LIMCH1: variants seen among roughly 807,000 people sequenced by gnomAD.
LIMCH1 encodes LIM and calponin homology domains 1, also known as LIM and calponin homology domains-containing protein 1.
Under a neutral mutation model 176.5 loss-of-function variants are expected in LIMCH1, and 113 were observed. The observed-to-expected ratio is 0.64, with a 90% CI of 0.55 to 0.75. The LOEUF is 0.75. Ranked by LOEUF, LIMCH1 falls within the 30% of genes least tolerant of loss-of-function variation. The pLI is 0.00. For synonymous variants in LIMCH1, 619 were observed against 645.9 expected (o/e 0.96, Z 0.63); for missense variants, 1,674 against 1,814.9 (o/e 0.92, Z 1.41).
At chr4:41,687,682 T>C (rs2153070398) in intron 28 of LIMCH1, among the ~76,000 whole-genome samples, 158 bp from the exon 29 acceptor site, 1 of 151,584 alleles carries the variant, frequency 6.6e-6, no homozygotes, top group South Asian at 2.1e-4. Flanking sequence ...TTTTTGTTCA[T>C]TAAAAAAAAA....
chr4:41,431,673 A>G (rs1202358077), intron 1 of LIMCH1, among the ~76,000 whole-genome samples: 1 of 152,170 alleles, frequency 6.6e-6, no homozygotes, highest in Admixed American at 6.5e-5. Context: ...ATCTTATTTT[A>G]TTATGATATG....
chr4:41,643,532 A>C (rs920324956), intron 14 of LIMCH1, among the ~76,000 whole-genome samples: 1 of 152,224 alleles, frequency 6.6e-6, no homozygotes, highest in Admixed American at 6.5e-5. Flanking sequence ...TTGCTGCTTC[A>C]GCTTTTGCTG....
chr4:41,531,946 A>G (rs552534997), intron 3 of LIMCH1, among the ~76,000 whole-genome samples: 3 of 152,288 alleles, frequency 2.0e-5, no homozygotes, highest in East Asian at 3.9e-4. Flanking sequence ...AGGGAAATGA[A>G]TAGACATTGT....
chr4:41,514,899 A>G (rs2075383872), intron 2 of LIMCH1, among the ~76,000 whole-genome samples: 1 of 152,220 alleles, frequency 6.6e-6, no homozygotes, highest in Non-Finnish European at 1.5e-5. Flanking sequence ...ATTTCCCTAT[A>G]GAAGCAGTTC....
intron 1 of LIMCH1, among the ~76,000 whole-genome samples, chr4:41,426,850 A>G (rs998779659): frequency 2.6e-5 from 4 of 152,208 alleles, no homozygotes; most frequent in Non-Finnish European, 5.9e-5. Flanking sequence ...ACCTAAAATA[A>G]CCATTACAAG....
At chr4:41,394,519 T>C (rs1451912513) in intron 1 of LIMCH1, among the ~76,000 whole-genome samples, 3 of 152,180 alleles carry the variant, frequency 2.0e-5, no homozygotes, top group Non-Finnish European at 4.4e-5. Flanking sequence ...ACTCTGGGGC[T>C]TGGTATTTAA....
intron 1 of LIMCH1, among the ~76,000 whole-genome samples, chr4:41,417,335 C>T (rs544590523): frequency 6.6e-6 from 1 of 152,248 alleles, no homozygotes; most frequent in African/African-American, 2.4e-5. Context: ...CCTTTGAAAT[C>T]CAGATCCAGA....
At chr4:41,547,701 T>C (rs1583862039) in intron 1 of LIMCH1, among the ~76,000 whole-genome samples, 1 of 145,802 alleles carries the variant, frequency 6.9e-6, no homozygotes, top group Non-Finnish European at 1.5e-5. Context: ...TATATACATA[T>C]ATAATAGTAT....
chr4:41,641,363 T>G (rs562937115), intron 14 of LIMCH1, among the ~76,000 whole-genome samples: 77 of 152,310 alleles, frequency 5.1e-4, no homozygotes, highest in African/African-American at 1.7e-3. Context: ...CTTTCTAGTA[T>G]TATCAATTCT....
At chr4:41,484,900 A>G (rs1283339251) in intron 1 of LIMCH1, among the ~76,000 whole-genome samples, 2 of 152,238 alleles carry the variant, frequency 1.3e-5, no homozygotes, top group Non-Finnish European at 2.9e-5. Context: ...CTTTCAAAAA[A>G]CAACCAAAGA....
intron 13 of LIMCH1, among the ~76,000 whole-genome samples, chr4:41,637,585 G>A (rs1366466492): frequency 3.3e-5 from 5 of 152,172 alleles, no homozygotes; most frequent in Non-Finnish European, 4.4e-5. Flanking sequence ...AGCACCTTCC[G>A]AAACGATACT....
chr4:41,365,502 A>G (rs1335373211), intron 1 of LIMCH1, among the ~76,000 whole-genome samples: 2 of 152,246 alleles, frequency 1.3e-5, no homozygotes, highest in Admixed American at 6.5e-5. Flanking sequence ...ATGTAATACC[A>G]TAAGTTATAC....
chr4:41,599,878 A>G (rs1004883006), intron 2 of LIMCH1, among the ~76,000 whole-genome samples: 3 of 152,090 alleles, frequency 2.0e-5, no homozygotes, highest in East Asian at 1.9e-4. Flanking sequence ...ATTTTATACA[A>G]TTTGCTTGAT....
chr4:41,521,917 TA>T (rs1352655074), intron 2 of LIMCH1, among the ~76,000 whole-genome samples: 1 of 152,112 alleles, frequency 6.6e-6, no homozygotes, highest in African/African-American at 2.4e-5. Context: ...CATGAAATAT[TA>T]AAAACAGCTT....
At chr4:41,547,864 T>TATATATAA (rs2079780893) in intron 1 of LIMCH1, among the ~76,000 whole-genome samples, 1 of 12,762 alleles carries the variant, frequency 7.8e-5, no homozygotes, top group Non-Finnish European at 1.8e-4. Flanking sequence ...TGTGTGTGTG[T>TATATATAA]ATATATATAT....
chr4:41,390,548 G>A (rs1438954248), intron 1 of LIMCH1, among the ~76,000 whole-genome samples: 1 of 152,122 alleles, frequency 6.6e-6, no homozygotes, highest in Non-Finnish European at 1.5e-5. Context: ...AATACATGAT[G>A]CCCAGTTAGA....
chr4:41,593,998 T>G (rs1474375949), intron 1 of LIMCH1, among the ~76,000 whole-genome samples: 1 of 152,180 alleles, frequency 6.6e-6, no homozygotes, highest in Non-Finnish European at 1.5e-5. Context: ...TTGAACCATT[T>G]GAAAGTTATG....
chr4:41,383,907 C>T (rs2056093684), intron 1 of LIMCH1, among the ~76,000 whole-genome samples: 3 of 152,084 alleles, frequency 2.0e-5, no homozygotes, highest in East Asian at 1.9e-4. Flanking sequence ...AAGTGAGAAA[C>T]GTGGACAATT....
chr4:41,483,820 T>G (rs1020495445), intron 1 of LIMCH1, among the ~76,000 whole-genome samples: 1 of 152,244 alleles, frequency 6.6e-6, no homozygotes, highest in Non-Finnish European at 1.5e-5. Context: ...CTTCCCTGAC[T>G]GTCTTAGGAG....
Sources: allele counts gnomAD v4.1 joint callset (sites outside exome capture counted in the v4.1 genomes callset), GRCh38; gene constraint gnomAD v4.1.1; transcripts MANE v1.5; gene names NCBI Gene and HGNC (gene_info 2026-07-23, HGNC 2026-07-21).